The following RAP1GDS1 variants were observed in gnomAD, a reference collection of about 807,000 sequenced individuals.
RAP1GDS1 encodes the protein Rap1 GTPase-GDP dissociation stimulator 1, also known as RAP1, GTP-GDP dissociation stimulator 1.
Under a neutral mutation model 71.1 loss-of-function variants are expected in RAP1GDS1, and 35 were observed. The observed-to-expected ratio is 0.49, with a 90% confidence interval of 0.38 to 0.65. RAP1GDS1 has a LOEUF of 0.65. Among genes scored for constraint, RAP1GDS1 ranks in the 30% least tolerant of loss-of-function variants. RAP1GDS1 has a pLI of 0.00. For synonymous variants in RAP1GDS1, 229 were observed against 243.1 expected (o/e 0.94, Z 0.54); for missense variants, 663 against 706.1 (o/e 0.94, Z 0.69).
At chr4:98,302,999 T>C (rs1316979153) in intron 2 of RAP1GDS1, among the ~76,000 whole-genome samples, 5 of 151,396 alleles carry the variant, frequency 3.3e-5, no homozygotes, top group Non-Finnish European at 4.4e-5. Context: ...TGAGCAGAGA[T>C]TGCGTGACTG....
intron 1 of RAP1GDS1, among the ~76,000 whole-genome samples, chr4:98,267,949 T>C (rs1296563168): frequency 6.6e-6 from 1 of 152,218 alleles, no homozygotes; most frequent in Non-Finnish European, 1.5e-5. Context: ...TCTGAACTAA[T>C]TTATATTTCC....
At chr4:98,282,004 G>A (rs1452723404) in intron 1 of RAP1GDS1, among the ~76,000 whole-genome samples, 1 of 152,064 alleles carries the variant, frequency 6.6e-6, no homozygotes, top group African/African-American at 2.4e-5. Flanking sequence ...TGCTGGATTC[G>A]GTTTGCCAGT....
Position 98,329,488 on chromosome 4 carries a change from C to A in RAP1GDS1, c.113-13651C>A, listed in dbSNP as rs77906278. On this transcript the variant is annotated intron_variant, in intron 2 of 14. Coordinates refer to ENST00000408927, the MANE Select transcript of RAP1GDS1 (RefSeq NM_001100427.2). ...TAATCTTAAAGTTATTAGAAACCTG[C>A]ATTTAAAAGGACCCATTAGGGCAAG... Among the ~76,000 whole-genome samples the A allele has an allele frequency of 4.9e-3, 752 of 152,190 alleles. 7 individuals are homozygous for A. Among genetic ancestry groups the A allele is most frequent in the South Asian group, 0.018 (85 of 4,814 alleles).
chr4:98,422,383 A>G (rs1749018624), intron 12 of RAP1GDS1, among the ~76,000 whole-genome samples: 1 of 151,688 alleles, frequency 6.6e-6, no homozygotes, highest in Non-Finnish European at 1.5e-5. Context: ...ACACTCGGCT[A>G]ATTTTTGTAT....
chr4:98,303,785 C>T (rs185810367), intron 2 of RAP1GDS1, among the ~76,000 whole-genome samples: 1 of 152,102 alleles, frequency 6.6e-6, no homozygotes, highest in African/African-American at 2.4e-5. Context: ...TAGTTTGCTG[C>T]ACCTATCAAC....
chr4:98,382,129 AG>A (rs1467042198), intron 5 of RAP1GDS1, among the ~76,000 whole-genome samples: 1 of 151,618 alleles, frequency 6.6e-6, no homozygotes, highest in Non-Finnish European at 1.5e-5. Flanking sequence ...CAGTTTCAAA[AG>A]TTTTAAACTA....
At chr4:98,397,078 A>G (rs1412785884) in intron 6 of RAP1GDS1, among the ~76,000 whole-genome samples, 3 of 152,204 alleles carry the variant, frequency 2.0e-5, no homozygotes, top group Admixed American at 6.5e-5. Context: ...TTTTTTCCCA[A>G]TAATGAAAAA....
intron 13 of RAP1GDS1, among the ~76,000 whole-genome samples, chr4:98,434,619 CTT>C (rs557173513): frequency 3.3e-4 from 44 of 134,348 alleles, no homozygotes; most frequent in Admixed American, 3.8e-4. Flanking sequence ...TTTAACATAG[CTT>C]TTTTTTTTTT....
At chr4:98,368,566 G>A (rs1415569937) in intron 4 of RAP1GDS1, among the ~76,000 whole-genome samples, 1 of 152,050 alleles carries the variant, frequency 6.6e-6, no homozygotes, top group Non-Finnish European at 1.5e-5. Flanking sequence ...AAGCCTCCAG[G>A]TAAAATATTT....
chr4:98,389,045 T>A (rs1743208795), intron 5 of RAP1GDS1, among the ~76,000 whole-genome samples: 1 of 152,214 alleles, frequency 6.6e-6, no homozygotes, highest in African/African-American at 2.4e-5. Context: ...CAATGGCTAC[T>A]AATACAATTT....
At chr4:98,296,906 T>C in intron 2 of RAP1GDS1, 1 of 395,434 alleles carries the variant, frequency 2.5e-6, no homozygotes, top group South Asian at 1.8e-5. Flanking sequence ...ATCCATTTTA[T>C]TCCATTTTGA....
At chr4:98,272,524 G>T (rs533419923) in intron 1 of RAP1GDS1, among the ~76,000 whole-genome samples, 1 of 152,126 alleles carries the variant, frequency 6.6e-6, no homozygotes, top group Non-Finnish European at 1.5e-5. Context: ...ATCTGTGGTC[G>T]GACGTTGTCA....
intron 2 of RAP1GDS1, among the ~76,000 whole-genome samples, chr4:98,338,485 C>G (rs1395885141): frequency 6.6e-6 from 1 of 152,148 alleles, no homozygotes; most frequent in African/African-American, 2.4e-5. Flanking sequence ...TTTTTAAAAT[C>G]TACCCCTTGA....
intron 2 of RAP1GDS1, among the ~76,000 whole-genome samples, chr4:98,339,653 C>G (rs1735202063): frequency 6.6e-6 from 1 of 151,792 alleles, no homozygotes; most frequent in Admixed American, 6.6e-5. Flanking sequence ...AAAATTGTTT[C>G]AAGGGTTTTC....
intron 6 of RAP1GDS1, among the ~76,000 whole-genome samples, chr4:98,393,846 T>C (rs530338471): frequency 6.6e-6 from 1 of 152,332 alleles, no homozygotes; most frequent in Admixed American, 6.5e-5. Flanking sequence ...AATTTGAATA[T>C]ATTGGGTGAA....
chr4:98,427,175 A>G (rs1321279945), intron 12 of RAP1GDS1, among the ~76,000 whole-genome samples: 2 of 152,174 alleles, frequency 1.3e-5, no homozygotes, highest in Non-Finnish European at 1.5e-5. Flanking sequence ...GCATCTCTTT[A>G]TAATTAAAAC....
At chr4:98,391,005 G>C (rs1743548390) in intron 5 of RAP1GDS1, among the ~76,000 whole-genome samples, 1 of 152,090 alleles carries the variant, frequency 6.6e-6, no homozygotes, top group Non-Finnish European at 1.5e-5. Context: ...AAAAATTTTT[G>C]AAGAGCATTT....
intron 1 of RAP1GDS1, among the ~76,000 whole-genome samples, chr4:98,286,648 G>A (rs934311363): frequency 1.3e-5 from 2 of 151,988 alleles, no homozygotes; most frequent in Non-Finnish European, 2.9e-5. Context: ...ACTTTGGGAG[G>A]CCTAGGTGGG....
At chr4:98,315,648 C>G (rs1730829161) in intron 2 of RAP1GDS1, among the ~76,000 whole-genome samples, 1 of 151,788 alleles carries the variant, frequency 6.6e-6, no homozygotes, top group African/African-American at 2.4e-5. Context: ...AGGGTACATG[C>G]AAGGAAGGGT....
Sources: allele counts gnomAD v4.1 joint callset (sites outside exome capture counted in the v4.1 genomes callset), GRCh38; gene constraint gnomAD v4.1.1; transcripts MANE v1.5; gene names NCBI Gene and HGNC (gene_info 2026-07-23, HGNC 2026-07-21).